PACS1: variants seen among roughly 807,000 people sequenced by gnomAD.
PACS1 encodes PACS-1.
In PACS1, 24 loss-of-function variants were observed where a neutral mutation model predicts 115.0. The observed-to-expected ratio is 0.21, with a 90% CI of 0.15 to 0.29. The LOEUF (loss-of-function observed/expected upper bound fraction) is 0.29, where lower values mean the gene tolerates loss of function less well. Ranked by LOEUF, PACS1 falls within the 10% of genes least tolerant of loss-of-function variation. The pLI is 1.00. For synonymous variants in PACS1, 453 were observed against 504.5 expected (o/e 0.90, Z 1.37); for missense variants, 838 against 1,251.2 (o/e 0.67, Z 4.98).
chr11:66,234,554 G>A (rs193000283), intron 17 of PACS1, among the ~76,000 whole-genome samples: 13 of 152,350 alleles, frequency 8.5e-5, no homozygotes, highest in African/African-American at 2.4e-4. Flanking sequence ...GAGAATAGCA[G>A]TCAAGTGACA....
At chr11:66,121,455 A>T (rs1476780195) in intron 1 of PACS1, among the ~76,000 whole-genome samples, 1 of 152,232 alleles carries the variant, frequency 6.6e-6, no homozygotes, top group Non-Finnish European at 1.5e-5. Context: ...GCTAGGAATG[A>T]TTAAGCTTAG....
chr11:66,179,326 G>T (rs1201621679), intron 1 of PACS1, among the ~76,000 whole-genome samples: 1 of 151,980 alleles, frequency 6.6e-6, no homozygotes, highest in Non-Finnish European at 1.5e-5. Flanking sequence ...CACATTCGAG[G>T]GTCAAATGGA....
chr11:66,140,508 TGAGA>T (rs2042326649), intron 1 of PACS1, among the ~76,000 whole-genome samples: 2 of 152,164 alleles, frequency 1.3e-5, no homozygotes, highest in Admixed American at 6.5e-5. Context: ...GGTGCATGGC[TGAGA>T]GAGGGATGCC....
In PACS1 at chr11:66,233,962, G is replaced by C. The variant is rs755493128; in HGVS notation, c.1993+23G>C. 6.4e-7 allele frequency: 1 copy of C among 1,566,688 alleles called. No individual in the cohort carries two copies. The highest frequency in any genetic ancestry group is 2.3e-5 in the East Asian group (1 of 44,390). ...TCGGTAAAGACGGGAGGCACCAGGA[G>C]GGCGTCGGGCATGAGGGTTCCATAG... is the stretch of plus-strand genomic sequence containing the variant. On this transcript the variant is annotated intron_variant, in intron 16 of 23. Coordinates refer to ENST00000320580, the MANE Select transcript of PACS1 (RefSeq NM_018026.4). This position sits in a 1 kb window ranked among gnomAD's most constrained non-coding sequence, Gnocchi z 4.5.
intron 1 of PACS1, among the ~76,000 whole-genome samples, chr11:66,118,530 T>G (rs1224792088): frequency 1.3e-5 from 2 of 152,130 alleles, no homozygotes; most frequent in Non-Finnish European, 2.9e-5. Context: ...GAGGATCACT[T>G]GAGCCTGGGA....
chr11:66,221,341 G>A, intron 10 of PACS1, 94 bp downstream of exon 10: 2 of 1,120,462 alleles, frequency 1.8e-6, no homozygotes, highest in South Asian at 2.5e-5. Flanking sequence ...GGCTCATGTT[G>A]TGACCTTAGA....
chr11:66,177,309 C>T (rs1433139011), intron 1 of PACS1, among the ~76,000 whole-genome samples: 1 of 152,170 alleles, frequency 6.6e-6, no homozygotes, highest in East Asian at 1.9e-4. Flanking sequence ...TCTCCTGCCT[C>T]AGCCTCCCAA....
At chr11:66,182,215 G>A (rs1413907558) in intron 1 of PACS1, among the ~76,000 whole-genome samples, 1 of 152,050 alleles carries the variant, frequency 6.6e-6, no homozygotes, top group Non-Finnish European at 1.5e-5. Context: ...GTCTGTGCAA[G>A]TAATTGGCAT....
chr11:66,206,213 T>C (rs568459639), intron 2 of PACS1, among the ~76,000 whole-genome samples: 25 of 152,234 alleles, frequency 1.6e-4, no homozygotes, highest in Non-Finnish European at 2.8e-4. Context: ...GATATTTTAA[T>C]GTGCTATGTT....
chr11:66,206,090 A>T (rs1049220611), intron 2 of PACS1, among the ~76,000 whole-genome samples: 1 of 152,132 alleles, frequency 6.6e-6, no homozygotes, highest in Non-Finnish European at 1.5e-5. Context: ...GGAGGTTGCA[A>T]TGAGTTAAGA....
chr11:66,200,642 G>C (rs1247219594), intron 2 of PACS1, among the ~76,000 whole-genome samples: 1 of 152,112 alleles, frequency 6.6e-6, no homozygotes, highest in Non-Finnish European at 1.5e-5. Context: ...GGAGCACCCA[G>C]ATATATAAAG....
chr11:66,239,199 C>G lies in PACS1; in HGVS notation c.2351C>G (p.Ser784Cys). The part of the protein sequence containing the change: ...SLTVPSTSPP[S>C]SSGLSRDATA... ...ACTGTGCCCTCCACATCACCACCCTCCAGCTCGGGCCTGAGCCGAGACGCC... is the reference window on the plus strand; with the variant it reads ...ACTGTGCCCTCCACATCACCACCCTGCAGCTCGGGCCTGAGCCGAGACGCC... Residue 784 changes from serine (S) to cysteine (C), a missense_variant, in exon 21 of 24, where the codon TCC becomes TGC. Coordinates refer to ENST00000320580, the MANE Select transcript of PACS1 (RefSeq NM_018026.4). 1 of 1,614,144 alleles carries G rather than the reference C, an allele frequency of 6.2e-7. No individual in the cohort carries two copies. The highest frequency in any genetic ancestry group is 8.5e-7 in the Non-Finnish European group (1 of 1,180,026).
At chr11:66,109,905 T>G (rs1055156102) in intron 1 of PACS1, among the ~76,000 whole-genome samples, 1 of 152,212 alleles carries the variant, frequency 6.6e-6, no homozygotes, top group Non-Finnish European at 1.5e-5. Flanking sequence ...ACTCTGTTTA[T>G]GAAATTACAG....
chr11:66,148,880 T>C (rs572794900), intron 1 of PACS1, among the ~76,000 whole-genome samples: 1 of 152,186 alleles, frequency 6.6e-6, no homozygotes, highest in Non-Finnish European at 1.5e-5. Context: ...GAGCCGAGAT[T>C]GCACCACTGC....
rs1297320990 is a variant in PACS1 at position 66,233,318 on chromosome 11, C to T, written c.1838+252C>T. On this transcript the variant is annotated intron_variant, in intron 15 of 23. Coordinates refer to ENST00000320580, the MANE Select transcript of PACS1 (RefSeq NM_018026.4). The surrounding 1 kb of genome is among the most constrained non-coding windows in gnomAD (Gnocchi z 4.5). ...TGCCTGGACCCCCGCCATGCCTTGA[C>T]TTGCTTTATCCTCTTAAACCCATGA... Among the ~76,000 whole-genome samples the T allele has an allele frequency of 6.6e-6, 1 of 152,206 alleles. No individual in the cohort carries two copies. The highest frequency in any genetic ancestry group is 6.5e-5 in the Admixed American group (1 of 15,282).
chr11:66,153,110 C>A (rs1280792598), intron 1 of PACS1, among the ~76,000 whole-genome samples: 1 of 151,988 alleles, frequency 6.6e-6, no homozygotes, highest in African/African-American at 2.4e-5. Context: ...TCTCTAATTT[C>A]TTTAAGATAC....
chr11:66,111,060 C>T (rs1565110527), intron 1 of PACS1, among the ~76,000 whole-genome samples: 1 of 152,168 alleles, frequency 6.6e-6, no homozygotes, highest in Non-Finnish European at 1.5e-5. Flanking sequence ...AACATGTCAT[C>T]ATTGAGTGTA....
chr11:66,236,981 C>T lies in PACS1; in HGVS notation c.2250+1041C>T, dbSNP rs1475286902. Among the ~76,000 whole-genome samples the T allele has an allele frequency of 2.6e-5, 4 of 152,108 alleles. No homozygotes were observed. The highest frequency in any genetic ancestry group is 5.9e-5 in the Non-Finnish European group (4 of 68,012). Reference sequence around the variant, plus strand: ...GTTGCCAGGCGGGAGTGCAGTGGCGCGATCTCGACTCACTGCAACCTCCGC... The same window carrying T: ...GTTGCCAGGCGGGAGTGCAGTGGCGTGATCTCGACTCACTGCAACCTCCGC... On this transcript the variant is annotated intron_variant, in intron 19 of 23. Coordinates refer to ENST00000320580, the MANE Select transcript of PACS1 (RefSeq NM_018026.4). The surrounding 1 kb of genome is among the most constrained non-coding windows in gnomAD (Gnocchi z 4.2).
chr11:66,236,473 A>G lies in PACS1; in HGVS notation c.2250+533A>G, dbSNP rs1372476545. ...GTCTTCATGGTTGGATAGGCCACTGAGAGGAAGGCTTTCTTCTTTCCTTTT... is the reference window on the plus strand; with the variant it reads ...GTCTTCATGGTTGGATAGGCCACTGGGAGGAAGGCTTTCTTCTTTCCTTTT... On this transcript the variant is annotated intron_variant, in intron 19 of 23. Transcript: ENST00000320580. The surrounding 1 kb of genome is among the most constrained non-coding windows in gnomAD (Gnocchi z 4.2). Among the ~76,000 whole-genome samples, 1 of 152,250 alleles carries G rather than the reference A, an allele frequency of 6.6e-6. No homozygotes were observed. Among genetic ancestry groups the G allele is most frequent in the Non-Finnish European group, 1.5e-5 (1 of 68,036 alleles).
Sources: gnomAD v4.1 joint callset for allele counts (sites outside exome capture counted in the v4.1 genomes callset) on GRCh38, gnomAD v4.1.1 for gene constraint, Gnocchi (gnomAD v3.1) non-coding constraint, MANE v1.5 for transcripts, NCBI Gene and HGNC (gene_info 2026-07-23, HGNC 2026-07-21) for gene names.